The following SLC46A2 variants were observed in gnomAD, a reference collection of about 807,000 sequenced individuals.
The protein encoded by SLC46A2 is solute carrier family 46 member 2.
A neutral mutation model predicts 33.1 loss-of-function variants in SLC46A2; 25 were observed. The ratio of observed to expected loss-of-function variants is 0.76; its 90% CI spans 0.55 to 1.06. SLC46A2 has a LOEUF of 1.06. SLC46A2 is among the 50% of genes least tolerant of loss of function. The pLI is 0.00. For missense variants in SLC46A2, 622 were observed against 621.7 expected, an observed-to-expected ratio of 1.00 and a Z score of 0.00; for synonymous variants, 254 against 275.9, an observed-to-expected ratio of 0.92 and a Z score of 0.79.
intron 3 of SLC46A2, among the ~76,000 whole-genome samples, chr9:112,881,930 C>T (rs1224272956): frequency 2.0e-5 from 3 of 152,022 alleles, no homozygotes; most frequent in Non-Finnish European, 2.9e-5. Flanking sequence ...AAGACCACAA[C>T]TAGTTGGGTG....
chr9:112,881,956 T>G, intron 3 of SLC46A2, among the ~76,000 whole-genome samples: 1 of 151,820 alleles, frequency 6.6e-6, no homozygotes, highest in African/African-American at 2.4e-5. Flanking sequence ...AAGTTGTGGA[T>G]GGAGAAGGGA....
chr9:112,889,966 T>C lies in SLC46A2; in HGVS notation c.716A>G (p.Glu239Gly), dbSNP rs200716792. Residue 239 changes from glutamate (E) to glycine (G), a missense_variant, in exon 1 of 4, where the codon GAG becomes GGG. Glu to Gly is a moderately conservative substitution (Grantham distance 98). Coordinates refer to ENST00000374228, the MANE Select transcript of SLC46A2 (RefSeq NM_033051.4). ...AGACACGGTATCCACGGCGGGGAGC[T>C]CCTGGCTGGGTTTGGCCACCGACTC... The part of the protein sequence containing the change: ...VPESVAKPSQ[E>G]LPAVDTVSGT... 1.2e-6 allele frequency: 2 copies of C among 1,614,018 alleles called. No individual in the cohort carries two copies. The highest frequency in any genetic ancestry group is 1.7e-6 in the Non-Finnish European group (2 of 1,179,974).
intron 2 of SLC46A2, 148 bp from the exon 3 acceptor site, chr9:112,886,764 G>T (rs1841647720): frequency 2.3e-6 from 2 of 855,388 alleles, no homozygotes; most frequent in Non-Finnish European, 3.5e-6. Flanking sequence ...TTACTCTGTT[G>T]CCCAGGCTGG....
At chr9:112,885,765 T>G (rs1236593657) in intron 3 of SLC46A2, 1 of 152,234 alleles carries the variant, frequency 6.6e-6, no homozygotes, top group African/African-American at 2.4e-5. Context: ...TAATTTCACC[T>G]GTCACTTTTC....
rs562186249 is a variant in SLC46A2 at position 112,888,726 on chromosome 9, G to A, written c.1129+827C>T. Among the ~76,000 whole-genome samples the A allele has an allele frequency of 6.6e-5, 10 of 152,264 alleles. No individual in the cohort carries two copies. The South Asian group carries it at 2.1e-3, about 32-fold the overall frequency. On this transcript the variant is annotated intron_variant, in intron 1 of 3. Coordinates refer to ENST00000374228, the MANE Select transcript of SLC46A2 (RefSeq NM_033051.4). ...TTGTGCCCTCAGATGGAAACTTAAT[G>A]CTGCTTCCTTGGGGAATTTATTACA...
In SLC46A2 at chr9:112,889,702, C is replaced by G. The variant is rs146384415; in HGVS notation, c.980G>C (p.Gly327Ala). Residue 327 changes from glycine (G) to alanine (A), a missense_variant, in exon 1 of 4, where the codon GGG becomes GCG. Gly to Ala is a moderately conservative substitution (Grantham distance 60). Coordinates refer to ENST00000374228, the MANE Select transcript of SLC46A2 (RefSeq NM_033051.4). ...GAAGCTGGTGATGAAGATGGTGTAC[C>G]CTGCAGCCATACCATAGCCCACCTG... ...QVQVGYGMAA[G>A]YTIFITSFLG... 5.6e-4 allele frequency: 900 copies of G among 1,614,026 alleles called. 5 individuals are homozygous for G. The highest frequency in any genetic ancestry group is 3.3e-3 in the Middle Eastern group (20 of 6,062).
chr9:112,887,435 C>T, intron 1 of SLC46A2, 22 bp from the exon 2 acceptor site: 1 of 1,591,594 alleles, frequency 6.3e-7, no homozygotes, highest in Non-Finnish European at 8.5e-7. Flanking sequence ...CACACAAGAA[C>T]ACTCCTTGCT....
At chr9:112,886,343 C>T in intron 3 of SLC46A2, 117 bp downstream of exon 3, 3 of 1,099,928 alleles carry the variant, frequency 2.7e-6, no homozygotes, top group Non-Finnish European at 4.0e-6. Flanking sequence ...ACTCAGGACC[C>T]ACTGCATAAA....
chr9:112,889,568 A>C lies in SLC46A2; in HGVS notation c.1114T>G (p.Tyr372Asp). 6.2e-7 allele frequency: 1 copy of C among 1,612,648 alleles called. No individual in the cohort carries two copies. The highest frequency in any genetic ancestry group is 8.5e-7 in the Non-Finnish European group (1 of 1,179,260). The change falls in exon 1 of 4, where the codon TAC (tyrosine) becomes GAC (aspartate). Residue 372 changes from tyrosine to aspartate, a missense_variant. Coordinates refer to ENST00000374228, the MANE Select transcript of SLC46A2 (RefSeq NM_033051.4). ...ACAGACTCACCAATATAGAACATGT[A>C]TGTCTCTTTCACAAAAGCCAAGAGG... ...ALLLAFVKET[Y>D]MFYIARAVML...
Position 112,888,848 on chromosome 9 carries a change from A to C in SLC46A2, c.1129+705T>G, listed in dbSNP as rs150112968. 6.9e-3 allele frequency among the ~76,000 whole-genome samples: 1,030 copies of C among 149,444 alleles called. 9 individuals are homozygous for C. Among genetic ancestry groups the C allele is most frequent in the Middle Eastern group, 0.01 (3 of 286 alleles). On this transcript the variant is annotated intron_variant, in intron 1 of 3. Coordinates refer to ENST00000374228, the MANE Select transcript of SLC46A2 (RefSeq NM_033051.4). The stretch of plus-strand genomic sequence containing the variant: ...TTAATTAAGGGATCTTTTCAGTAGA[A>C]TTACTTGAAATTCCACTCCTCCACG...
At chr9:112,885,782 TA>T (rs1423761152) in intron 3 of SLC46A2, 11 of 152,250 alleles carry the variant, frequency 7.2e-5, no homozygotes, top group Admixed American at 7.2e-4. Context: ...TTTCTCTTTT[TA>T]AAATGTGGCT....
At position 112,879,704 on chromosome 9, in the gene SLC46A2, T is replaced by G; in HGVS notation, c.*58A>C. Reference sequence around the variant, plus strand: ...GGTCACCAGTTCCCTGGTCCCTTCTTTTGTCTTCTGGGGGCCTGGCCATGG... The same window carrying G: ...GGTCACCAGTTCCCTGGTCCCTTCTGTTGTCTTCTGGGGGCCTGGCCATGG... On this transcript the variant is annotated 3_prime_UTR_variant, in exon 4 of 4. Transcript: ENST00000374228. 4 of 1,521,468 alleles carry G rather than the reference T, an allele frequency of 2.6e-6. No homozygotes were observed. Among genetic ancestry groups the G allele is most frequent in the Non-Finnish European group, 3.6e-6 (4 of 1,098,466 alleles). The allele number at this position is 1,521,468 out of a possible 1,614,324, so 94.2% of individuals were successfully genotyped here. A position where few individuals can be genotyped will look rare whatever the true frequency, so the allele number is the denominator to read the frequency against.
In SLC46A2 at chr9:112,890,755, C is replaced by T. The variant is rs542561419; in HGVS notation, c.-74G>A. 44 of 1,502,202 alleles carry T rather than the reference C, an allele frequency of 2.9e-5. No individual in the cohort carries two copies. The South Asian group carries it at 4.6e-4, about 16-fold the overall frequency. 93.1% of individuals were successfully genotyped at this position (1,502,202 alleles called of 1,614,324 possible). On this transcript the variant is annotated 5_prime_UTR_variant, in exon 1 of 4. Coordinates refer to ENST00000374228, the MANE Select transcript of SLC46A2 (RefSeq NM_033051.4). The surrounding 1 kb of genome is among the most constrained non-coding windows in gnomAD (Gnocchi z 6.0). The stretch of plus-strand genomic sequence containing the variant: ...GATATGCTCCCAAATTCGGCTGCTA[C>T]GGCTGCTCAGGTTTCAGTCCCGGAG...
In SLC46A2 at chr9:112,890,197, A is replaced by G. The variant is rs1414588012; in HGVS notation, c.485T>C (p.Leu162Pro). The change falls in exon 1 of 4, where the codon CTG (leucine) becomes CCG (proline). Residue 162 changes from leucine (L) to proline (P), a missense_variant. Coordinates refer to ENST00000374228, the MANE Select transcript of SLC46A2 (RefSeq NM_033051.4). The surrounding 1 kb of genome is among the most constrained non-coding windows in gnomAD (Gnocchi z 6.0). ...AGAGCGGCGGCCCTCGGAGGAGCCC[A>G]GCGATCCCAGCGCCATGACCCCGGA... is the stretch of plus-strand genomic sequence containing the variant. The part of the protein sequence containing the change: ...FWSGVMALGS[L>P]GSSEGRRSVR... 6 of 1,612,948 alleles carry G rather than the reference A, an allele frequency of 3.7e-6. No homozygotes were observed. The highest frequency in any genetic ancestry group is 4.2e-6 in the Non-Finnish European group (5 of 1,179,858).
In SLC46A2 at chr9:112,884,053, A is replaced by G. The variant is rs1173697900; in HGVS notation, c.1370+2407T>C. Among the ~76,000 whole-genome samples the G allele has an allele frequency of 2.6e-5, 4 of 152,328 alleles. No homozygotes were observed. The East Asian group carries it at 7.7e-4, about 29-fold the overall frequency. On this transcript the variant is annotated intron_variant, in intron 3 of 3. Transcript: ENST00000374228. ...AAGTGCATGTATATTGGAGGGCATG[A>G]GGGGAGAGGGTTGTAGATAAGCAGA... is the stretch of plus-strand genomic sequence containing the variant.
intron 3 of SLC46A2, among the ~76,000 whole-genome samples, chr9:112,883,682 T>G (rs1354640531): frequency 2.3e-5 from 3 of 133,252 alleles, no homozygotes; most frequent in Admixed American, 8.9e-5. Flanking sequence ...TCTTTTCTGT[T>G]TTTTTCTTTT....
At position 112,889,438 on chromosome 9, in the gene SLC46A2, A is replaced by G. The variant is rs990482887; in HGVS notation, c.1129+115T>C. On this transcript the variant is annotated intron_variant, in intron 1 of 3. Transcript: ENST00000374228. ...CTTGTGTCCCTTGTGCCTCCTAGGT[A>G]GCAGGTTCAATCCCTGGTGCTGAGC... is the stretch of plus-strand genomic sequence containing the variant. 2.8e-6 allele frequency: 3 copies of G among 1,053,154 alleles called. No homozygotes were observed. The African/African-American group carries it at 4.8e-5, about 17-fold the overall frequency. 65.2% of individuals were successfully genotyped at this position (1,053,154 alleles called of 1,614,324 possible). A position where few individuals can be genotyped will look rare whatever the true frequency, so the allele number is the denominator to read the frequency against.
At chr9:112,886,429 G>C in intron 3 of SLC46A2, 31 bp downstream of exon 3, 1 of 1,613,042 alleles carries the variant, frequency 6.2e-7, no homozygotes, top group Non-Finnish European at 8.5e-7. Flanking sequence ...CAGGGTCCCA[G>C]CCCAAGCAGC....
In SLC46A2 at chr9:112,887,332, T is replaced by C; in HGVS notation, c.1211A>G (p.Tyr404Cys). 6.2e-7 allele frequency: 1 copy of C among 1,611,896 alleles called. No homozygotes were observed. The highest frequency in any genetic ancestry group is 8.5e-7 in the Non-Finnish European group (1 of 1,179,136). ...GAGAGATTCTGTTCACTACTCACCA[T>C]AAGAGGAGCCCTTTATGAGTTTGGA... ...AMSKLIKGSS[Y>C]GKVFVILQLS... The change falls in exon 2 of 4, where the codon TAT (tyrosine) becomes TGT (cysteine). Residue 404 changes from tyrosine (Y) to cysteine (C), a missense_variant and splice_region_variant. Physicochemically the swap from Tyr to Cys is radical, Grantham distance 194. Transcript: ENST00000374228.
Sources: allele counts gnomAD v4.1 joint callset (sites outside exome capture counted in the v4.1 genomes callset), GRCh38; gene constraint gnomAD v4.1.1; non-coding constraint Gnocchi (gnomAD v3.1); transcripts MANE v1.5; gene names NCBI Gene and HGNC (gene_info 2026-07-23, HGNC 2026-07-21).